Variants in FMNL2 observed in about 807,000 individuals in gnomAD.
The protein encoded by FMNL2 is formin-like protein 2.
FMNL2 carries 51 observed loss-of-function variants against 130.2 expected under a neutral mutation model. The ratio of observed to expected loss-of-function variants is 0.39; its 90% CI spans 0.31 to 0.49. The LOEUF is 0.49. Among genes scored for constraint, FMNL2 ranks in the 20% least tolerant of loss-of-function variants. FMNL2 has a pLI of 0.85. For missense variants in FMNL2, 977 were observed against 1,316.2 expected (o/e 0.74, Z 3.99); for synonymous variants, 465 against 467.1 (o/e 1.00, Z 0.06).
chr2:152,646,451 A>AG (rs2105990902), intron 25 of FMNL2, among the ~76,000 whole-genome samples: 1 of 152,308 alleles, frequency 6.6e-6, no homozygotes, highest in South Asian at 2.1e-4. Context: ...CACAGATCTT[A>AG]GCTCCAACTT....
chr2:152,639,246 G>A (rs1177374657), intron 23 of FMNL2, among the ~76,000 whole-genome samples: 1 of 152,224 alleles, frequency 6.6e-6, no homozygotes, highest in African/African-American at 2.4e-5. Context: ...AAGCAATGGA[G>A]ACCCAAATGT....
chr2:152,340,989 C>T (rs1002987788), intron 1 of FMNL2, among the ~76,000 whole-genome samples: 2 of 152,078 alleles, frequency 1.3e-5, no homozygotes, highest in Non-Finnish European at 2.9e-5. Context: ...TGTGCCCGGC[C>T]GGAAGGTCAA....
chr2:152,342,072 TAAAG>T (rs1681843247), intron 1 of FMNL2, among the ~76,000 whole-genome samples: 1 of 152,158 alleles, frequency 6.6e-6, no homozygotes. Context: ...TTCCTGGGCT[TAAAG>T]AAGAAAAAGA....
intron 1 of FMNL2, among the ~76,000 whole-genome samples, chr2:152,503,885 C>A (rs7562904): frequency 6.6e-6 from 1 of 152,148 alleles, no homozygotes; most frequent in Admixed American, 6.5e-5. Flanking sequence ...ACTGTTTACA[C>A]ATTCCACAAT....
At chr2:152,551,330 T>C (rs1464592920) in intron 4 of FMNL2, among the ~76,000 whole-genome samples, 3 of 152,200 alleles carry the variant, frequency 2.0e-5, no homozygotes, top group Admixed American at 2.0e-4. Context: ...ATAGGCATAT[T>C]GAAAGATTCT....
Position 152,556,008 on chromosome 2 carries a change from C to T in FMNL2, c.360-2732C>T, listed in dbSNP as rs55835757. On this transcript the variant is annotated intron_variant, in intron 4 of 25. Transcript: ENST00000288670. ...TCCAGTTACTGCTTTGAAAGTTGCC[C>T]GTTTTTATCTTTACCTGTTTTCTTT... Among the ~76,000 whole-genome samples the T allele has an allele frequency of 1.8e-3, 269 of 152,218 alleles. 2 individuals carry two copies. Among genetic ancestry groups the T allele is most frequent in the African/African-American group, 6.2e-3 (259 of 41,550 alleles).
In FMNL2 at chr2:152,390,772, A is replaced by G; in HGVS notation, c.117+55052A>G. The G allele has an allele frequency of 5.1e-6, 3 of 589,202 alleles. No individual in the cohort carries two copies. In the South Asian group the frequency reaches 5.9e-5, roughly 11 times the overall value. The allele number at this position is 589,202 out of a possible 1,614,324, so 36.5% of individuals were successfully genotyped here. On this transcript the variant is annotated intron_variant, in intron 1 of 25. Transcript: ENST00000288670. ...GGCCTAGACACACGGATCCCAGGGC[A>G]TCAGGAGAAAGGCTGGGGCTTGGGG... is the stretch of plus-strand genomic sequence containing the variant.
chr2:152,497,937 C>A (rs568886358), intron 1 of FMNL2, among the ~76,000 whole-genome samples: 1 of 152,194 alleles, frequency 6.6e-6, no homozygotes, highest in Non-Finnish European at 1.5e-5. Flanking sequence ...TGCACTGAAG[C>A]CCTTATCTCC....
In FMNL2 at chr2:152,649,486, G is replaced by T. The variant is rs371745292; in HGVS notation, c.*1581G>T. 6 of 152,452 alleles carry T rather than the reference G, an allele frequency of 3.9e-5. No homozygotes were observed. Among genetic ancestry groups the T allele is most frequent in the African/African-American group, 1.4e-4 (6 of 41,398 alleles). 9.4% of individuals were successfully genotyped at this position (152,452 alleles called of 1,614,324 possible). A position where few individuals can be genotyped will look rare whatever the true frequency, so the allele number is the denominator to read the frequency against. On this transcript the variant is annotated 3_prime_UTR_variant, in exon 26 of 26. Coordinates refer to ENST00000288670, the MANE Select transcript of FMNL2 (RefSeq NM_052905.4). ...CAGAAAGATTAAACTGCCACCTGCG[G>T]GCACATTCCCATAAATGTGTACTTT...
chr2:152,440,121 AT>A (rs1325180682), intron 1 of FMNL2, among the ~76,000 whole-genome samples: 2 of 151,890 alleles, frequency 1.3e-5, no homozygotes, highest in African/African-American at 4.8e-5. Context: ...CATGTTTATT[AT>A]TATTTTATTT....
intron 1 of FMNL2, among the ~76,000 whole-genome samples, chr2:152,373,150 A>G (rs1441741417): frequency 1.3e-5 from 2 of 152,176 alleles, no homozygotes; most frequent in Non-Finnish European, 2.9e-5. Flanking sequence ...TGTGTCTAAA[A>G]TTTTGCTAAA....
chr2:152,489,411 AG>A (rs1174123263), intron 1 of FMNL2, among the ~76,000 whole-genome samples: 1 of 152,188 alleles, frequency 6.6e-6, no homozygotes, highest in African/African-American at 2.4e-5. Context: ...GGGAGGGGCC[AG>A]ATGTAGAAAT....
intron 9 of FMNL2, among the ~76,000 whole-genome samples, chr2:152,592,028 G>A (rs962643594): frequency 4.6e-5 from 7 of 151,824 alleles, no homozygotes; most frequent in Non-Finnish European, 8.8e-5. Context: ...GCTTGAACCC[G>A]GGAGGCAGAG....
intron 1 of FMNL2, among the ~76,000 whole-genome samples, chr2:152,364,915 C>G (rs1683423615): frequency 6.6e-6 from 1 of 152,178 alleles, no homozygotes; most frequent in Admixed American, 6.5e-5. Flanking sequence ...CTTAGTTAAG[C>G]TGAAGATTCG....
intron 1 of FMNL2, among the ~76,000 whole-genome samples, chr2:152,379,607 T>C (rs1182134887): frequency 2.6e-5 from 4 of 152,194 alleles, no homozygotes; most frequent in Non-Finnish European, 5.9e-5. Flanking sequence ...ATATCATTTT[T>C]CCCTAATTTT....
rs556408289 is a variant in FMNL2, at chr2:152,536,665, C to G, written c.202-6074C>G. On this transcript the variant is annotated intron_variant, in intron 2 of 25. Coordinates refer to ENST00000288670, the MANE Select transcript of FMNL2 (RefSeq NM_052905.4). ...AGTTTATGTAGCTCTGCTAATACAC[C>G]ACTGAAATAGAGCCAGTGACTGTGT... Among the ~76,000 whole-genome samples, 5 of 152,274 alleles carry G rather than the reference C, an allele frequency of 3.3e-5. No homozygotes were observed. In the South Asian group the frequency reaches 1.0e-3, roughly 32 times the overall value.
intron 1 of FMNL2, among the ~76,000 whole-genome samples, chr2:152,363,468 C>A (rs917788808): frequency 6.6e-6 from 1 of 152,162 alleles, no homozygotes; most frequent in African/African-American, 2.4e-5. Context: ...AATTTATGAT[C>A]TCTCTTTCTC....
chr2:152,390,397 G>T, intron 1 of FMNL2: 1 of 1,073,440 alleles, frequency 9.3e-7, no homozygotes, highest in Non-Finnish European at 1.5e-6. Flanking sequence ...AAGATGGAGT[G>T]GTGGAGCTGC....
At chr2:152,446,948 G>T (rs1458644759) in intron 1 of FMNL2, among the ~76,000 whole-genome samples, 1 of 152,054 alleles carries the variant, frequency 6.6e-6, no homozygotes, top group Non-Finnish European at 1.5e-5. Flanking sequence ...GAAGGAAGTG[G>T]TAAGTCATAC....
Sources: gnomAD v4.1 joint callset for allele counts (sites outside exome capture counted in the v4.1 genomes callset) on GRCh38, gnomAD v4.1.1 for gene constraint, MANE v1.5 for transcripts, NCBI Gene and HGNC (gene_info 2026-07-23, HGNC 2026-07-21) for gene names.